Variants in ACOXL observed in about 807,000 individuals in gnomAD.
ACOXL encodes acyl-coenzyme A oxidase-like protein.
ACOXL carries 70 observed loss-of-function variants against 71.9 expected under a neutral mutation model. That is an observed-to-expected ratio of 0.97 (90% confidence interval 0.80 to 1.19). The LOEUF is 1.19. Ranked by LOEUF, ACOXL falls within the 50% of genes most tolerant of loss-of-function variation. The pLI is 0.00. For synonymous variants in ACOXL, 253 were observed against 281.6 expected, an observed-to-expected ratio of 0.90 and a Z score of 1.02; for missense variants, 703 against 736.3, an observed-to-expected ratio of 0.95 and a Z score of 0.52.
At chr2:110,819,533 G>T (rs767781869) in intron 9 of ACOXL, among the ~76,000 whole-genome samples, 2 of 152,096 alleles carry the variant, frequency 1.3e-5, no homozygotes, top group Non-Finnish European at 2.9e-5. Context: ...GAGCCCAAGA[G>T]GATTATGGGG....
At chr2:110,859,012 C>T (rs535824898) in intron 10 of ACOXL, among the ~76,000 whole-genome samples, 1 of 152,304 alleles carries the variant, frequency 6.6e-6, no homozygotes, top group African/African-American at 2.4e-5. Context: ...ATGCGTTTCT[C>T]CATTTCTATA....
At chr2:110,921,595 G>A (rs1314154966) in intron 11 of ACOXL, among the ~76,000 whole-genome samples, 2 of 151,794 alleles carry the variant, frequency 1.3e-5, no homozygotes, top group African/African-American at 4.8e-5. Context: ...GGGTTTCACC[G>A]TGTTAGCCAG....
At chr2:110,788,600 A>G (rs1212727639) in intron 3 of ACOXL, among the ~76,000 whole-genome samples, 1 of 152,194 alleles carries the variant, frequency 6.6e-6, no homozygotes, top group East Asian at 1.9e-4. Context: ...ATGCCACTGA[A>G]TTGTATGCTT....
chr2:111,060,655 A>T (rs1205268487), intron 16 of ACOXL, among the ~76,000 whole-genome samples: 1 of 152,228 alleles, frequency 6.6e-6, no homozygotes, highest in East Asian at 1.9e-4. Flanking sequence ...ACTGAATGAA[A>T]AAAGCCATCG....
intron 16 of ACOXL, among the ~76,000 whole-genome samples, chr2:111,087,070 A>G (rs549407169): frequency 1.1e-4 from 17 of 152,332 alleles, no homozygotes; most frequent in Admixed American, 4.6e-4. Context: ...CAAAAAGAAG[A>G]AAATACCTAG....
rs1039353720 is a variant in ACOXL at position 110,740,791 on chromosome 2, C to T, written c.-23+8017C>T. ...ACCTGATAGTGGGGAATCCACTGGC[C>T]CTGTCCTTTGGAAGCTACAGTCTAA... is the stretch of plus-strand genomic sequence containing the variant. On this transcript the variant is annotated intron_variant, in intron 1 of 17. Transcript: ENST00000439055. 2.6e-5 allele frequency among the ~76,000 whole-genome samples: 4 copies of T among 152,158 alleles called. No homozygotes were observed. In the East Asian group the frequency reaches 7.7e-4, roughly 29 times the overall value.
At chr2:110,735,412 C>T (rs1052195468) in intron 1 of ACOXL, among the ~76,000 whole-genome samples, 5 of 152,238 alleles carry the variant, frequency 3.3e-5, no homozygotes, top group African/African-American at 9.6e-5. Context: ...GTTGTGGCAG[C>T]GTAGTGGTGA....
intron 16 of ACOXL, among the ~76,000 whole-genome samples, chr2:111,064,064 C>T (rs2066937986): frequency 6.6e-6 from 1 of 152,098 alleles, no homozygotes; most frequent in Non-Finnish European, 1.5e-5. Context: ...TATAGTTGTC[C>T]CAAGGTATCT....
At chr2:110,971,958 C>T (rs2149489511) in intron 12 of ACOXL, among the ~76,000 whole-genome samples, 1 of 152,298 alleles carries the variant, frequency 6.6e-6, no homozygotes, top group Middle Eastern at 3.4e-3. Context: ...GCACTTGACC[C>T]TGAAGTTGTG....
chr2:111,011,189 A>T (rs187751549), intron 14 of ACOXL, among the ~76,000 whole-genome samples: 1 of 152,216 alleles, frequency 6.6e-6, no homozygotes, highest in Non-Finnish European at 1.5e-5. Context: ...TTATGCTATT[A>T]TAAGATTTTT....
At chr2:110,834,810 G>A (rs1033416567) in intron 9 of ACOXL, among the ~76,000 whole-genome samples, 7 of 152,188 alleles carry the variant, frequency 4.6e-5, no homozygotes, top group African/African-American at 1.4e-4. Context: ...CCAGCAGAAG[G>A]GACCCAAGGT....
chr2:110,806,143 C>T (rs571368421), intron 9 of ACOXL, among the ~76,000 whole-genome samples: 9 of 152,346 alleles, frequency 5.9e-5, no homozygotes, highest in Admixed American at 2.0e-4. Flanking sequence ...GACATCAGTC[C>T]GGAGTCGTCT....
chr2:110,844,211 G>T (rs1341900866), intron 10 of ACOXL, among the ~76,000 whole-genome samples: 1 of 152,224 alleles, frequency 6.6e-6, no homozygotes, highest in African/African-American at 2.4e-5. Flanking sequence ...GACTTACCGA[G>T]GAGCATGTGA....
At chr2:110,749,347 A>G (rs1389593152) in intron 1 of ACOXL, among the ~76,000 whole-genome samples, 1 of 152,232 alleles carries the variant, frequency 6.6e-6, no homozygotes, top group Non-Finnish European at 1.5e-5. Flanking sequence ...GAAAAGTTAC[A>G]AAGCATAGTA....
intron 10 of ACOXL, among the ~76,000 whole-genome samples, chr2:110,860,934 T>C (rs1693877649): frequency 6.6e-6 from 1 of 152,218 alleles, no homozygotes; most frequent in Non-Finnish European, 1.5e-5. Flanking sequence ...TGTTACTCTA[T>C]TGAGCTGAAG....
intron 10 of ACOXL, among the ~76,000 whole-genome samples, chr2:110,884,345 G>C (rs1201519068): frequency 6.6e-6 from 1 of 152,216 alleles, no homozygotes; most frequent in Non-Finnish European, 1.5e-5. Flanking sequence ...CTGGTACAGG[G>C]AGGGTATCTT....
chr2:110,751,188 C>A (rs963955143), intron 1 of ACOXL, among the ~76,000 whole-genome samples: 2 of 151,040 alleles, frequency 1.3e-5, no homozygotes, highest in African/African-American at 4.9e-5. Context: ...GTAGTCCCAG[C>A]TACTTGGGAG....
At chr2:111,009,444 G>A (rs2064033746) in intron 14 of ACOXL, among the ~76,000 whole-genome samples, 1 of 151,594 alleles carries the variant, frequency 6.6e-6, no homozygotes, top group Admixed American at 6.6e-5. Context: ...AACCTGGGAG[G>A]TGGAGGTTGC....
At chr2:110,943,218 A>C (rs1195091937) in intron 12 of ACOXL, among the ~76,000 whole-genome samples, 1 of 149,302 alleles carries the variant, frequency 6.7e-6, no homozygotes, top group Non-Finnish European at 1.5e-5. Flanking sequence ...AGGAAGAAGG[A>C]AGGAAAGAAG....
Sources: allele counts gnomAD v4.1 joint callset (sites outside exome capture counted in the v4.1 genomes callset), GRCh38; gene constraint gnomAD v4.1.1; transcripts MANE v1.5; gene names NCBI Gene and HGNC (gene_info 2026-07-23, HGNC 2026-07-21).